Variants in CEMIP observed in about 807,000 individuals in gnomAD.
CEMIP encodes cell migration inducing hyaluronidase 1, also known as cell migration-inducing and hyaluronan-binding protein.
A neutral mutation model predicts 156.9 loss-of-function variants in CEMIP; 105 were observed. The observed-to-expected ratio is 0.67, with a 90% CI of 0.57 to 0.79. CEMIP has a LOEUF of 0.79. Among genes scored for constraint, CEMIP ranks in the 30% least tolerant of loss-of-function variants. CEMIP has a pLI of 0.00. For synonymous variants in CEMIP, 676 were observed against 668.4 expected (o/e 1.01, Z -0.17); for missense variants, 1,457 against 1,769.4 (o/e 0.82, Z 3.17).
In CEMIP at chr15:80,937,959, C is replaced by G. The variant is rs776947481; in HGVS notation, c.3387C>G (p.Tyr1129Ter). Residue 1129 changes from tyrosine (Y) to a stop codon, truncating the protein, a stop_gained, in exon 25 of 30, where the codon TAC becomes TAG. Transcript: ENST00000394685. LOFTEE classifies it high-confidence loss of function. ...AGAGCTACCCTGGCAGGAGCCACTA[C>G]TACTGGGACGAGGACTCAGGGTGAG... is the stretch of plus-strand genomic sequence containing the variant. Reference protein sequence around the residue: ...VEQSYPGRSHYYWDEDSGLLF... With the variant: ...VEQSYPGRSH The G allele has an allele frequency of 6.2e-7, 1 of 1,614,082 alleles. No homozygotes were observed. Among genetic ancestry groups the G allele is most frequent in the South Asian group, 1.1e-5 (1 of 91,066 alleles).
chr15:80,892,501 T>C (rs901877910), intron 10 of CEMIP, among the ~76,000 whole-genome samples: 7 of 152,188 alleles, frequency 4.6e-5, no homozygotes, highest in Non-Finnish European at 7.3e-5. Context: ...TGAGATTTCC[T>C]TGGGGACATC....
At chr15:80,935,996 C>T (rs553020431) in intron 23 of CEMIP, among the ~76,000 whole-genome samples, 9 of 152,344 alleles carry the variant, frequency 5.9e-5, no homozygotes, top group African/African-American at 1.9e-4. Flanking sequence ...CCTCGGCCTC[C>T]CAAAGTGCTG....
rs1202614451 is a variant in CEMIP, at chr15:80,879,829, A to T, written c.355A>T (p.Asn119Tyr). 1.2e-6 allele frequency: 2 copies of T among 1,614,198 alleles called. No individual in the cohort carries two copies. The highest frequency in any genetic ancestry group is 4.5e-5 in the East Asian group (2 of 44,878). ...GAGTGCCCTCTGCCCTTTCCAGGGC[A>T]ATTTCACCATCATTTTGTATGGAAG... The part of the protein sequence containing the change: ...AGSALCPFQG[N>Y]FTIILYGRAD... The change falls in exon 5 of 30, where the codon AAT becomes TAT. Residue 119 changes from asparagine to tyrosine, a missense_variant. Coordinates refer to ENST00000394685, the MANE Select transcript of CEMIP (RefSeq NM_001293298.2).
At chr15:80,819,359 C>T (rs1896859806) in intron 1 of CEMIP, among the ~76,000 whole-genome samples, 1 of 152,142 alleles carries the variant, frequency 6.6e-6, no homozygotes, top group Non-Finnish European at 1.5e-5. Context: ...GGGTTGGGTC[C>T]TGTCTAGTGG....
Position 80,895,053 on chromosome 15 carries a change from A to T in CEMIP, c.1150A>T (p.Arg384Trp). ...TGTCTACAAAAAAGGCCAGGATTAT[A>T]GGTTTGCTTGCTACGACCGGGGCAG... The part of the protein sequence containing the change: ...EVVYKKGQDY[R>W]FACYDRGRAC... The change falls in exon 11 of 30, where the codon AGG becomes TGG. Residue 384 changes from arginine to tryptophan, a missense_variant. Physicochemically the swap from Arg to Trp is moderately radical, Grantham distance 101 (BLOSUM62 -3). Transcript: ENST00000394685. 1 of 1,614,220 alleles carries T rather than the reference A, an allele frequency of 6.2e-7. No homozygotes were observed. Among genetic ancestry groups the T allele is most frequent in the Non-Finnish European group, 8.5e-7 (1 of 1,180,032 alleles).
rs543983756 is a variant in CEMIP, at chr15:80,854,080, C to T, written c.-175-19458C>T. ...TTCCAACCAGGCACTGTCCCCTGGGCCTCTGCAGGCCCTCAGTGAGCCAGC... is the reference window on the plus strand; with the variant it reads ...TTCCAACCAGGCACTGTCCCCTGGGTCTCTGCAGGCCCTCAGTGAGCCAGC... On this transcript the variant is annotated intron_variant, in intron 1 of 29. Transcript: ENST00000394685. Among the ~76,000 whole-genome samples the T allele has an allele frequency of 3.9e-5, 6 of 152,376 alleles. No homozygotes were observed. In the South Asian group the frequency reaches 1.2e-3, roughly 32 times the overall value.
chr15:80,809,318 C>G (rs1370829728), intron 1 of CEMIP, among the ~76,000 whole-genome samples: 2 of 152,142 alleles, frequency 1.3e-5, no homozygotes, highest in Non-Finnish European at 2.9e-5. Flanking sequence ...TCATACGTAG[C>G]TATTTAAAAT....
intron 1 of CEMIP, among the ~76,000 whole-genome samples, chr15:80,838,261 G>A (rs1829661770): frequency 6.6e-6 from 1 of 152,174 alleles, no homozygotes; most frequent in Admixed American, 6.5e-5. Flanking sequence ...GGGTCTTGCA[G>A]GTGAGCCCAG....
rs12441101 is a variant in CEMIP, at chr15:80,925,683, A to G, written c.2348A>G (p.His783Arg). The change falls in exon 19 of 30, where the codon CAC (histidine) becomes CGC (arginine). Residue 783 changes from histidine (H) to arginine (R), a missense_variant. By Grantham distance (29) the His-to-Arg change is conservative (BLOSUM62 0). Transcript: ENST00000394685. Reference sequence around the variant, plus strand: ...CCCCGGGAGCCGGCCATCATCAGACACTTCATTGCCTACAAGAACCAGGAC... The same window carrying G: ...CCCCGGGAGCCGGCCATCATCAGACGCTTCATTGCCTACAAGAACCAGGAC... ...LKPREPAIIRHFIAYKNQDHG... is the reference protein window; with the variant it reads ...LKPREPAIIRRFIAYKNQDHG... The G allele has an allele frequency of 4.7e-3, 7,553 of 1,613,634 alleles. 311 individuals carry two copies. In the East Asian group the frequency reaches 0.1, roughly 22 times the overall value.
chr15:80,864,459 A>C (rs1898068125), intron 1 of CEMIP, among the ~76,000 whole-genome samples: 1 of 152,216 alleles, frequency 6.6e-6, no homozygotes, highest in Non-Finnish European at 1.5e-5. Context: ...TGCATCCGTC[A>C]CTGCCCGGGA....
At chr15:80,887,489 G>C (rs1171735198) in intron 7 of CEMIP, among the ~76,000 whole-genome samples, 1 of 152,142 alleles carries the variant, frequency 6.6e-6, no homozygotes, top group South Asian at 2.1e-4. Context: ...AGGCCAGGGA[G>C]CGAGAAAGCC....
chr15:80,782,183 ATTGT>A (rs1221414941), intron 1 of CEMIP, among the ~76,000 whole-genome samples: 3 of 152,174 alleles, frequency 2.0e-5, no homozygotes, highest in African/African-American at 4.8e-5. Context: ...ATTTTTCCTG[ATTGT>A]TCTCTCACAA....
At chr15:80,830,707 T>C (rs1897139112) in intron 1 of CEMIP, among the ~76,000 whole-genome samples, 2 of 152,188 alleles carry the variant, frequency 1.3e-5, no homozygotes, top group Admixed American at 1.3e-4. Flanking sequence ...AATAAAATTA[T>C]CTTTATTTTT....
rs372603353 is a variant in CEMIP, at chr15:80,937,829, G to A, written c.3257G>A (p.Arg1086Gln). The stretch of plus-strand genomic sequence containing the variant: ...ATCCGAGTGGGGCTCTGCTACCCGC[G>A]AGGCACCACATTCTCCATCCTCTCG... ...DWIRVGLCYP[R>Q]GTTFSILSDV... The change falls in exon 25 of 30, where the codon CGA becomes CAA. Residue 1086 changes from arginine to glutamine, a missense_variant. Physicochemically the swap from Arg to Gln is conservative, Grantham distance 43. Transcript: ENST00000394685. 33 of 1,614,046 alleles carry A rather than the reference G, an allele frequency of 2.0e-5. No homozygotes were observed. The highest frequency in any genetic ancestry group is 3.3e-5 in the South Asian group (3 of 91,084).
At chr15:80,791,806 A>G (rs1567048723) in intron 1 of CEMIP, among the ~76,000 whole-genome samples, 2 of 152,214 alleles carry the variant, frequency 1.3e-5, no homozygotes, top group Admixed American at 1.3e-4. Flanking sequence ...ACTGACCTGC[A>G]GCAGAGGCGG....
intron 1 of CEMIP, among the ~76,000 whole-genome samples, chr15:80,783,238 T>C (rs975546053): frequency 6.6e-6 from 1 of 152,266 alleles, no homozygotes; most frequent in Admixed American, 6.5e-5. Context: ...TTTGCAGTTA[T>C]AGCTCAAAAG....
At chr15:80,851,349 T>C (rs143214462) in intron 1 of CEMIP, among the ~76,000 whole-genome samples, 2 of 152,340 alleles carry the variant, frequency 1.3e-5, no homozygotes, top group African/African-American at 2.4e-5. Context: ...ATTTGTTCAT[T>C]GATCCGTTGA....
chr15:80,820,985 G>C (rs73499102), intron 1 of CEMIP, among the ~76,000 whole-genome samples: 8,863 of 152,292 alleles, frequency 0.058, 821 homozygotes, highest in African/African-American at 0.2. Flanking sequence ...GAACCCAAAA[G>C]ATGCTTCAAA....
At chr15:80,945,667 G>A (rs918621230) in intron 28 of CEMIP, among the ~76,000 whole-genome samples, 1 of 152,168 alleles carries the variant, frequency 6.6e-6, no homozygotes, top group African/African-American at 2.4e-5. Context: ...GGACACAAAT[G>A]GGGGTAACAA....
Sources: gnomAD v4.1 joint callset for allele counts (sites outside exome capture counted in the v4.1 genomes callset) on GRCh38, gnomAD v4.1.1 for gene constraint, MANE v1.5 for transcripts, NCBI Gene and HGNC (gene_info 2026-07-23, HGNC 2026-07-21) for gene names.